Variants in SLC39A11 observed in about 807,000 individuals in gnomAD.
SLC39A11 encodes zinc transporter ZIP11.
A neutral mutation model predicts 36.1 loss-of-function variants in SLC39A11; 33 were observed. That is an observed-to-expected ratio of 0.91 (90% CI 0.69 to 1.22). SLC39A11 has a LOEUF of 1.22. Among genes scored for constraint, SLC39A11 ranks in the 50% most tolerant of loss-of-function variants. SLC39A11 has a pLI of 0.00. For missense variants in SLC39A11, 432 were observed against 430.3 expected, an observed-to-expected ratio of 1.00 and a Z score of -0.03; for synonymous variants, 166 against 170.3, an observed-to-expected ratio of 0.97 and a Z score of 0.20.
chr17:72,849,511 T>C, intron 6 of SLC39A11, 123 bp downstream of exon 6: 1 of 975,326 alleles, frequency 1.0e-6, no homozygotes, highest in Non-Finnish European at 1.4e-6. Context: ...ACTGCCACCT[T>C]CACTCCTCTC....
intron 4 of SLC39A11, among the ~76,000 whole-genome samples, chr17:72,950,924 T>C (rs2147783394): frequency 6.6e-6 from 1 of 152,034 alleles, no homozygotes; most frequent in South Asian, 2.1e-4. Flanking sequence ...AGACCACGGA[T>C]GCTATGAAAT....
At chr17:72,696,478 C>A (rs957281170) in intron 7 of SLC39A11, among the ~76,000 whole-genome samples, 1 of 152,126 alleles carries the variant, frequency 6.6e-6, no homozygotes, top group Non-Finnish European at 1.5e-5. Flanking sequence ...ATGTTTAAAC[C>A]GAGATCTGAT....
intron 5 of SLC39A11, among the ~76,000 whole-genome samples, chr17:72,853,404 C>A (rs906153904): frequency 1.3e-5 from 2 of 151,992 alleles, no homozygotes; most frequent in African/African-American, 2.4e-5. Context: ...AGGGGCTAAA[C>A]ACACACTCTA....
intron 6 of SLC39A11, among the ~76,000 whole-genome samples, chr17:72,845,838 C>T (rs1005359971): frequency 6.6e-6 from 1 of 152,166 alleles, no homozygotes; most frequent in African/African-American, 2.4e-5. Context: ...TGACTATTAC[C>T]ACCATGCTTC....
At chr17:72,818,936 T>C (rs1052824972) in intron 6 of SLC39A11, 7 of 152,190 alleles carry the variant, frequency 4.6e-5, no homozygotes, top group Non-Finnish European at 1.0e-4. Context: ...AAAGTTATCT[T>C]CACTTTGAGA....
chr17:72,694,229 G>C (rs772870769), intron 7 of SLC39A11, among the ~76,000 whole-genome samples: 1 of 152,126 alleles, frequency 6.6e-6, no homozygotes, highest in Non-Finnish European at 1.5e-5. Context: ...CTGAGAAGGG[G>C]GTCTCACAAA....
chr17:72,827,835 C>T (rs535835813), intron 6 of SLC39A11, among the ~76,000 whole-genome samples: 131 of 152,238 alleles, frequency 8.6e-4, no homozygotes, highest in Non-Finnish European at 1.4e-3. Flanking sequence ...CACTGTAGCA[C>T]AGGCACTCGC....
chr17:73,047,966 C>CAAAAAAAAAAAAAA lies in SLC39A11; in HGVS notation c.148-16266_148-16253dup, dbSNP rs1165334910. ...CTGGCGACAGAGCAAGACTCCATCTCAAAAAAAAAAAAAAAAAAAAAAAAA... is the reference window on the plus strand; with the variant it reads ...CTGGCGACAGAGCAAGACTCCATCTCAAAAAAAAAAAAAAAAAAAAAAAAAAAAAAAAAAAAAAA... On this transcript the variant is annotated intron_variant, in intron 3 of 9. Transcript: ENST00000255559. Among the ~76,000 whole-genome samples the CAAAAAAAAAAAAAA allele has an allele frequency of 2.0e-4, 4 of 20,492 alleles. 1 individual carries two copies. The highest frequency in any genetic ancestry group is 3.4e-4 in the Non-Finnish European group (4 of 11,666). 13.4% of individuals were successfully genotyped at this position (20,492 alleles called of 152,430 possible).
intron 4 of SLC39A11, among the ~76,000 whole-genome samples, chr17:73,022,530 G>A (rs2058385623): frequency 7.1e-6 from 1 of 140,918 alleles, no homozygotes; most frequent in South Asian, 2.4e-4. Flanking sequence ...GGGAGGCGAA[G>A]GATGCAGTGA....
At chr17:72,908,010 G>T (rs986364240) in intron 5 of SLC39A11, among the ~76,000 whole-genome samples, 3 of 152,222 alleles carry the variant, frequency 2.0e-5, no homozygotes, top group African/African-American at 4.8e-5. Flanking sequence ...CTTGGCTCTT[G>T]TCTTCTCATG....
chr17:72,712,161 T>C (rs544539460), intron 7 of SLC39A11, among the ~76,000 whole-genome samples: 7 of 152,342 alleles, frequency 4.6e-5, no homozygotes, highest in African/African-American at 1.7e-4. Context: ...GCAGATGGGC[T>C]GAGCCAGAGA....
intron 4 of SLC39A11, among the ~76,000 whole-genome samples, chr17:72,963,747 G>A (rs900579492): frequency 9.2e-5 from 14 of 152,206 alleles, no homozygotes; most frequent in Non-Finnish European, 2.1e-4. Context: ...TTATATAGTT[G>A]AGGTTCTGCC....
intron 4 of SLC39A11, among the ~76,000 whole-genome samples, chr17:73,008,750 C>T (rs1233563486): frequency 6.6e-6 from 1 of 151,876 alleles, no homozygotes; most frequent in Non-Finnish European, 1.5e-5. Flanking sequence ...ATTCTTCATC[C>T]AAAAAAAGCA....
At chr17:72,778,429 CT>C (rs1184970608) in intron 6 of SLC39A11, among the ~76,000 whole-genome samples, 1 of 152,240 alleles carries the variant, frequency 6.6e-6, no homozygotes, top group Non-Finnish European at 1.5e-5. Flanking sequence ...TGGCTTTTTC[CT>C]ACAGTGAAGG....
At chr17:72,713,499 A>G (rs1036206994) in intron 7 of SLC39A11, among the ~76,000 whole-genome samples, 5 of 152,244 alleles carry the variant, frequency 3.3e-5, no homozygotes, top group African/African-American at 1.2e-4. Flanking sequence ...CTGCCAGGTC[A>G]ACAGAGTGAA....
chr17:72,995,198 C>A (rs2089435650), intron 4 of SLC39A11, among the ~76,000 whole-genome samples: 2 of 152,324 alleles, frequency 1.3e-5, no homozygotes, highest in African/African-American at 2.4e-5. Flanking sequence ...ATCATGAGCA[C>A]AGTGTGTTTC....
intron 5 of SLC39A11, among the ~76,000 whole-genome samples, chr17:72,926,203 A>T (rs1227089738): frequency 6.6e-6 from 1 of 152,198 alleles, no homozygotes; most frequent in Non-Finnish European, 1.5e-5. Context: ...TAACAATGAA[A>T]TTTTAAAAAA....
intron 7 of SLC39A11, among the ~76,000 whole-genome samples, chr17:72,679,575 G>T (rs2071420961): frequency 6.6e-6 from 1 of 152,232 alleles, no homozygotes; most frequent in Admixed American, 6.5e-5. Context: ...CTTCTTCAAG[G>T]GCTCCTGGAG....
chr17:72,728,558 C>T (rs562435240), intron 7 of SLC39A11, among the ~76,000 whole-genome samples: 18 of 152,134 alleles, frequency 1.2e-4, no homozygotes, highest in Non-Finnish European at 2.6e-4. Context: ...TTTCTCTGGC[C>T]ATTATGCAGA....
Sources: gnomAD v4.1 joint callset for allele counts (sites outside exome capture counted in the v4.1 genomes callset) on GRCh38, gnomAD v4.1.1 for gene constraint, MANE v1.5 for transcripts, NCBI Gene and HGNC (gene_info 2026-07-23, HGNC 2026-07-21) for gene names.